The following PHF21A variants were observed in gnomAD, a reference collection of about 807,000 sequenced individuals.
PHF21A encodes PHD finger protein 21A.
A neutral mutation model predicts 82.5 loss-of-function variants in PHF21A; 11 were observed. The observed-to-expected ratio is 0.13, with a 90% CI of 0.08 to 0.22. The LOEUF (loss-of-function observed/expected upper bound fraction) is 0.22. PHF21A is among the 10% of genes least tolerant of loss of function. The pLI is 1.00. For missense variants in PHF21A, 579 were observed against 837.8 expected (o/e 0.69, Z 3.81); for synonymous variants, 297 against 302.8 (o/e 0.98, Z 0.20).
chr11:46,086,243 T>C (rs2096855824), intron 3 of PHF21A, among the ~76,000 whole-genome samples: 1 of 151,864 alleles, frequency 6.6e-6, no homozygotes, highest in Non-Finnish European at 1.5e-5. Context: ...CTCAGCCTCC[T>C]GAGTAGCTGG....
intron 6 of PHF21A, among the ~76,000 whole-genome samples, chr11:46,075,131 G>A (rs1260377922): frequency 6.6e-6 from 1 of 152,160 alleles, no homozygotes; most frequent in Non-Finnish European, 1.5e-5. Flanking sequence ...TCTTAACATA[G>A]ATAGTTGCAA....
intron 6 of PHF21A, among the ~76,000 whole-genome samples, chr11:45,989,228 A>G (rs2094593185): frequency 6.6e-6 from 1 of 152,210 alleles, no homozygotes; most frequent in Admixed American, 6.5e-5. Flanking sequence ...CATCTTTCAG[A>G]ATTTCAGAAC....
intron 6 of PHF21A, among the ~76,000 whole-genome samples, chr11:46,028,551 T>C (rs2095798682): frequency 6.6e-6 from 1 of 151,482 alleles, no homozygotes; most frequent in Middle Eastern, 3.2e-3. Flanking sequence ...AAAATATTAC[T>C]TTATACTTTA....
At chr11:46,076,417 G>A (rs189134651) in intron 6 of PHF21A, among the ~76,000 whole-genome samples, 175 of 152,218 alleles carry the variant, frequency 1.1e-3, no homozygotes, top group Non-Finnish European at 2.0e-3. Context: ...CAAGGTACAC[G>A]CAGCACCTAC....
chr11:45,965,543 T>C lies in PHF21A; in HGVS notation c.768A>G (p.Ala256=). ...PIAPAPPPML[A]APQLIQRPVM... ...CGGGCCTCTGGATAAGCTGAGGAGC[T>C]GCGAGCATGGGAGGTGGTGCTGGGG... Residue 256 remains alanine, a synonymous_variant, in exon 10 of 19, where the codon GCA becomes GCG. Coordinates refer to ENST00000676320, the MANE Select transcript of PHF21A (RefSeq NM_001352027.3). 1 of 1,599,672 alleles carries C rather than the reference T, an allele frequency of 6.3e-7. No homozygotes were observed. Among genetic ancestry groups the C allele is most frequent in the East Asian group, 2.2e-5 (1 of 44,678 alleles).
intron 16 of PHF21A, among the ~76,000 whole-genome samples, chr11:45,937,777 G>A (rs2089435557): frequency 6.6e-6 from 1 of 152,192 alleles, no homozygotes; most frequent in African/African-American, 2.4e-5. Flanking sequence ...CACCACGCCT[G>A]GCCCAGGGTG....
chr11:45,980,027 G>A (rs943091313), intron 6 of PHF21A, 61 bp from the exon 7 acceptor site: 2 of 1,607,014 alleles, frequency 1.2e-6, no homozygotes, highest in African/African-American at 2.7e-5. Context: ...CAGCTGCACA[G>A]AAATATGCTC....
intron 1 of PHF21A, among the ~76,000 whole-genome samples, chr11:46,099,720 A>G (rs183488551): frequency 1.3e-5 from 2 of 152,320 alleles, no homozygotes; most frequent in East Asian, 3.9e-4. Context: ...CATTTCAAGC[A>G]CTAAAAGAAT....
intron 2 of PHF21A, among the ~76,000 whole-genome samples, chr11:46,090,960 G>A (rs560107146): frequency 1.3e-5 from 2 of 152,188 alleles, no homozygotes; most frequent in African/African-American, 4.8e-5. Flanking sequence ...GGTTAAGGTC[G>A]CTTCTCTAAG....
At chr11:46,080,928 A>G (rs1158092403) in intron 4 of PHF21A, among the ~76,000 whole-genome samples, 1 of 152,120 alleles carries the variant, frequency 6.6e-6, no homozygotes, top group Non-Finnish European at 1.5e-5. Flanking sequence ...CCTCCAGAGT[A>G]GCTGAGATTA....
intron 6 of PHF21A, among the ~76,000 whole-genome samples, chr11:46,030,347 C>T (rs556763436): frequency 1.5e-4 from 23 of 152,312 alleles, no homozygotes; most frequent in South Asian, 8.3e-4. Context: ...CATAACAAGA[C>T]GATCCTGCAC....
rs2093540878 is a variant in PHF21A, at chr11:45,967,875, T to A, written c.702+1940A>T. Among the ~76,000 whole-genome samples the A allele has an allele frequency of 2.0e-5, 3 of 152,232 alleles. 1 individual carries two copies. In the South Asian group the frequency reaches 6.2e-4, roughly 31 times the overall value. ...ACATGTATCTCTAAAACAAAAACTT[T>A]CTGAAATAGAGAACACAGTATGTGC... is the stretch of plus-strand genomic sequence containing the variant. On this transcript the variant is annotated intron_variant, in intron 9 of 18. Coordinates refer to ENST00000676320, the MANE Select transcript of PHF21A (RefSeq NM_001352027.3).
chr11:46,100,737 T>C (rs941291727), intron 1 of PHF21A, among the ~76,000 whole-genome samples: 4 of 152,198 alleles, frequency 2.6e-5, no homozygotes, highest in Admixed American at 1.3e-4. Context: ...TTTAAACTAA[T>C]GCAACCAAAT....
intron 6 of PHF21A, among the ~76,000 whole-genome samples, chr11:46,031,644 T>C (rs2095868365): frequency 1.3e-5 from 2 of 152,230 alleles, no homozygotes; most frequent in South Asian, 4.1e-4. Flanking sequence ...GTTAGTGGAT[T>C]CTTTTCTCTT....
intron 6 of PHF21A, among the ~76,000 whole-genome samples, chr11:46,058,816 G>A (rs887700842): frequency 1.3e-5 from 2 of 152,126 alleles, no homozygotes; most frequent in Non-Finnish European, 2.9e-5. Flanking sequence ...AGTGGGTCTG[G>A]GACAGTATCT....
chr11:45,975,831 G>A (rs1044211288), intron 7 of PHF21A, among the ~76,000 whole-genome samples: 12 of 152,154 alleles, frequency 7.9e-5, no homozygotes, highest in East Asian at 1.9e-4. Context: ...CCAATCACCC[G>A]ACTTAGAATA....
intron 6 of PHF21A, among the ~76,000 whole-genome samples, 200 bp downstream of exon 6, chr11:46,076,554 T>C (rs960548825): frequency 1.3e-5 from 2 of 152,138 alleles, no homozygotes; most frequent in African/African-American, 4.8e-5. Context: ...CAGTAACATA[T>C]AACCATGGGA....
At chr11:45,957,841 AG>A (rs924979141) in intron 10 of PHF21A, among the ~76,000 whole-genome samples, 1 of 151,948 alleles carries the variant, frequency 6.6e-6, no homozygotes, top group African/African-American at 2.4e-5. Context: ...CAAAACCAAA[AG>A]GTGAATCTTC....
intron 10 of PHF21A, among the ~76,000 whole-genome samples, chr11:45,961,851 T>C (rs1180290317): frequency 1.3e-5 from 2 of 152,202 alleles, no homozygotes; most frequent in Non-Finnish European, 2.9e-5. Flanking sequence ...TTCATCTACT[T>C]TTCTGTCTAA....
Sources: gnomAD v4.1 joint callset for allele counts (sites outside exome capture counted in the v4.1 genomes callset) on GRCh38, gnomAD v4.1.1 for gene constraint, MANE v1.5 for transcripts, NCBI Gene and HGNC (gene_info 2026-07-23, HGNC 2026-07-21) for gene names.